Variants in SP140 observed in about 807,000 individuals in gnomAD.
The protein encoded by SP140 is SP140 nuclear body protein, also known as nuclear body protein SP140.
A neutral mutation model predicts 125.0 loss-of-function variants in SP140; 81 were observed. The observed-to-expected ratio is 0.65, with a 90% CI of 0.54 to 0.78. The LOEUF (loss-of-function observed/expected upper bound fraction) is 0.78, where lower values mean the gene tolerates loss of function less well. SP140 is among the 30% of genes least tolerant of loss of function. The pLI is 0.00. For missense variants in SP140, 858 were observed against 1,037.0 expected (o/e 0.83, Z 2.37); for synonymous variants, 312 against 354.0 (o/e 0.88, Z 1.33).
At chr2:230,212,913 G>C in intron 1 of SP140, 1 of 1,614,086 alleles carries the variant, frequency 6.2e-7, no homozygotes, top group Non-Finnish European at 8.5e-7. Flanking sequence ...TGGTTGAGGG[G>C]GTTGTGGTGG....
intron 11 of SP140, among the ~76,000 whole-genome samples, 188 bp downstream of exon 11, chr2:230,253,605 T>C (rs1006629925): frequency 1.3e-5 from 2 of 152,086 alleles, no homozygotes; most frequent in Non-Finnish European, 2.9e-5. Context: ...CAAGCTAAGG[T>C]GAGCCCCTGA....
chr2:230,190,919 C>G, the SP140 span, among the ~76,000 whole-genome samples: 1 of 152,142 alleles, frequency 6.6e-6, no homozygotes, highest in Non-Finnish European at 1.5e-5. Flanking sequence ...GTCTATATGT[C>G]TGTTTTGGTA....
upstream of SP140, chr2:230,202,605 T>G: frequency 6.2e-7 from 1 of 1,614,208 alleles, no homozygotes; most frequent in South Asian, 1.1e-5. Context: ...TCGGGCACAT[T>G]CAGTTCTCGC....
At chr2:230,303,713 A>G (rs562308768) in intron 22 of SP140, among the ~76,000 whole-genome samples, 21 of 152,226 alleles carry the variant, frequency 1.4e-4, no homozygotes, top group Non-Finnish European at 2.6e-4. Context: ...AGCACCTTTT[A>G]TAATTAAAAC....
chr2:230,197,571 T>G, the SP140 span, among the ~76,000 whole-genome samples: 107,615 of 142,048 alleles, frequency 0.76, 40,675 homozygotes, highest in Admixed American at 0.82. Context: ...GTCAATTTTG[T>G]CTTTTGTTGC....
At chr2:230,193,725 G>C in the SP140 span, among the ~76,000 whole-genome samples, 1 of 152,146 alleles carries the variant, frequency 6.6e-6, no homozygotes, top group Non-Finnish European at 1.5e-5. Flanking sequence ...GAGGAATCAT[G>C]TATTTTTCAT....
rs1559245474 is a variant in SP140 at position 230,246,065 on chromosome 2, TCATC to T, written c.742+137_742+140del. The T allele has an allele frequency of 6.2e-6, 4 of 642,494 alleles. No individual in the cohort carries two copies. In the Admixed American group the frequency reaches 8.9e-5, roughly 14 times the overall value. 39.8% of individuals were successfully genotyped at this position (642,494 alleles called of 1,614,324 possible). ...TCCATATATCCATCCATCCATCCAT[TCATC>T]CATCCATCCATATATCCATCCATCC... On this transcript the variant is annotated intron_variant, in intron 7 of 26. Coordinates refer to ENST00000392045, the MANE Select transcript of SP140 (RefSeq NM_007237.5).
At chr2:230,284,818 G>A (rs1575204671) in intron 16 of SP140, among the ~76,000 whole-genome samples, 1 of 152,022 alleles carries the variant, frequency 6.6e-6, no homozygotes, top group Admixed American at 6.6e-5. Context: ...ATATTTTTAT[G>A]TATCCTGATA....
At position 230,269,930 on chromosome 2, in the gene SP140, G is replaced by A. The variant is rs1286815183; in HGVS notation, c.1421G>A (p.Ser474Asn). The stretch of plus-strand genomic sequence containing the variant: ...GGAAGCCCAGAAGCAAGGACGGAAA[G>A]TGATCAAGCGTGTGGCACAATGGGT... ...VPGSPEARTE[S>N]DQACGTMDTV... is the part of the protein sequence containing the mutation. Residue 474 changes from serine (S) to asparagine (N), a missense_variant, in exon 14 of 27, where the codon AGT becomes AAT. Ser to Asn is a conservative substitution (Grantham distance 46, BLOSUM62 1). Transcript: ENST00000392045. 3.1e-6 allele frequency: 5 copies of A among 1,613,862 alleles called. No individual in the cohort carries two copies. The East Asian group carries it at 8.9e-5, about 29-fold the overall frequency.
At chr2:230,195,519 G>A in the SP140 span, among the ~76,000 whole-genome samples, 1 of 152,022 alleles carries the variant, frequency 6.6e-6, no homozygotes, top group African/African-American at 2.4e-5. Context: ...TAGTAGAGAC[G>A]GGGTTTCACC....
chr2:230,227,758 G>A (rs1056299305), intron 1 of SP140, among the ~76,000 whole-genome samples: 2 of 152,208 alleles, frequency 1.3e-5, no homozygotes, highest in East Asian at 1.9e-4. Context: ...CATGGAATTC[G>A]TAGTGATGAC....
At position 230,216,906 on chromosome 2, in the gene SP140, T is replaced by C. The variant is rs770919859; in HGVS notation, c.-91+2832T>C. 10 of 1,613,840 alleles carry C rather than the reference T, an allele frequency of 6.2e-6. No homozygotes were observed. The East Asian group carries it at 2.0e-4, about 32-fold the overall frequency. On this transcript the variant is annotated intron_variant, in intron 3 of 4. Coordinates refer to the SP140 transcript ENST00000456542. ...AAGTGCTGAAAAAGAGCCTCTTCCATGGCTCTTGTCATGGTGAACATCCTA... is the reference window on the plus strand; with the variant it reads ...AAGTGCTGAAAAAGAGCCTCTTCCACGGCTCTTGTCATGGTGAACATCCTA...
At chr2:230,280,685 G>A (rs1389829607) in intron 15 of SP140, among the ~76,000 whole-genome samples, 1 of 151,928 alleles carries the variant, frequency 6.6e-6, no homozygotes, top group Non-Finnish European at 1.5e-5. Flanking sequence ...AAGATGACAA[G>A]GATCTTATCA....
At chr2:230,255,381 TAA>T (rs1376745142) in intron 11 of SP140, 69 bp from the exon 12 acceptor site, 2 of 1,564,918 alleles carry the variant, frequency 1.3e-6, no homozygotes, top group African/African-American at 2.7e-5. Context: ...ACATCTTCAC[TAA>T]GTTTTCTCTT....
At chr2:230,265,572 G>A (rs2052971795) in intron 12 of SP140, among the ~76,000 whole-genome samples, 1 of 152,146 alleles carries the variant, frequency 6.6e-6, no homozygotes. Context: ...GTGGTGCCAG[G>A]CAGGAATGGC....
chr2:230,212,565 G>T, intron 1 of SP140: 2 of 1,034,688 alleles, frequency 1.9e-6, no homozygotes, highest in Non-Finnish European at 3.1e-6. Flanking sequence ...GGAGTGGGAA[G>T]CAGGTGTTCT....
intron 21 of SP140, among the ~76,000 whole-genome samples, chr2:230,296,067 C>G (rs2057692644): frequency 7.9e-6 from 1 of 126,786 alleles, no homozygotes; most frequent in Non-Finnish European, 1.7e-5. Flanking sequence ...AGTGAGATAC[C>G]ATCTCTACCA....
At chr2:230,205,957 A>G (rs747155660) in intron 1 of SP140, among the ~76,000 whole-genome samples, 5 of 152,216 alleles carry the variant, frequency 3.3e-5, no homozygotes, top group Admixed American at 2.6e-4. Flanking sequence ...GAGAATACAC[A>G]TAACATGGTG....
Position 230,290,406 on chromosome 2 carries a change from A to AG in SP140, c.1721-48dup, listed in dbSNP as rs576784191. 89 of 1,489,636 alleles carry AG rather than the reference A, an allele frequency of 6.0e-5. 1 individual carries two copies. In the South Asian group the frequency reaches 9.0e-4, roughly 15 times the overall value. 92.3% of individuals were successfully genotyped at this position (1,489,636 alleles called of 1,614,324 possible). A position where few individuals can be genotyped will look rare whatever the true frequency, so the allele number is the denominator to read the frequency against. The stretch of plus-strand genomic sequence containing the variant: ...CTTTATAGGAATTACCTCAGTAGGG[A>AG]GGGGGGACGTGCCTTTGCAAAGTGA... On this transcript the variant is annotated intron_variant, in intron 18 of 26. Transcript: ENST00000392045.
Sources: allele counts gnomAD v4.1 joint callset (sites outside exome capture counted in the v4.1 genomes callset), GRCh38; gene constraint gnomAD v4.1.1; transcripts MANE v1.5; gene names NCBI Gene and HGNC (gene_info 2026-07-23, HGNC 2026-07-21).